The following CLASP1 variants were observed in gnomAD, a reference collection of about 807,000 sequenced individuals.
CLASP1 encodes cytoplasmic linker associated protein 1.
CLASP1 carries 38 observed loss-of-function variants against 192.3 expected under a neutral mutation model. The observed-to-expected ratio is 0.20, with a 90% confidence interval of 0.15 to 0.26. The LOEUF is 0.26. CLASP1 is among the 10% of genes least tolerant of loss of function. The pLI is 1.00. For missense variants in CLASP1, 1,433 were observed against 1,932.5 expected (o/e 0.74, Z 4.85); for synonymous variants, 691 against 712.8 (o/e 0.97, Z 0.49).
At chr2:121,450,777 C>G (rs980265989) in intron 16 of CLASP1, 136 bp downstream of exon 16, 6 of 592,424 alleles carry the variant, frequency 1.0e-5, no homozygotes, top group African/African-American at 9.5e-5. Context: ...TCCAAAATGG[C>G]CTTTTGGGGG....
intron 1 of CLASP1, among the ~76,000 whole-genome samples, chr2:121,637,631 T>C (rs1023274972): frequency 2.0e-5 from 3 of 152,266 alleles, no homozygotes; most frequent in South Asian, 2.1e-4. Context: ...CCTATGATTA[T>C]AGGCAGCACT....
At position 121,498,246 on chromosome 2, in the gene CLASP1, G is replaced by A. The variant is rs2093614249; in HGVS notation, c.712+4921C>T. On this transcript the variant is annotated intron_variant, in intron 8 of 39. Coordinates refer to ENST00000263710, the Ensembl canonical transcript of CLASP1. ...TGAGACGGAGTCTCACGACCAGGCT[G>A]GAGCGCAGTGGTACAATCTCAGCTC... Among the ~76,000 whole-genome samples, 4 of 142,678 alleles carry A rather than the reference G, an allele frequency of 2.8e-5. No individual in the cohort carries two copies. The South Asian group carries it at 8.7e-4, about 31-fold the overall frequency. The allele number at this position is 142,678 out of a possible 152,430, so 93.6% of individuals were successfully genotyped here.
At position 121,631,524 on chromosome 2, in the gene CLASP1, G is replaced by C. The variant is rs1039058965; in HGVS notation, c.-286+17848C>G. Among the ~76,000 whole-genome samples, 6 of 152,012 alleles carry C rather than the reference G, an allele frequency of 3.9e-5. 1 individual carries two copies. Among genetic ancestry groups the C allele is most frequent in the Middle Eastern group, 6.8e-3 (2 of 292 alleles). ...GATGGTCTCGATCTCTTGACCTCGT[G>C]ATCTGCCCACCTCGACCTCCCAAAG... On this transcript the variant is annotated intron_variant, in intron 1 of 39. Coordinates refer to ENST00000263710, the Ensembl canonical transcript of CLASP1.
intron 6 of CLASP1, among the ~76,000 whole-genome samples, chr2:121,522,996 C>A (rs2094492200): frequency 1.3e-5 from 2 of 152,122 alleles, no homozygotes; most frequent in Admixed American, 1.3e-4. Context: ...CAGGTCACAC[C>A]AGCACCTAAG....
At chr2:121,478,892 CA>C (rs1368144203) in intron 8 of CLASP1, among the ~76,000 whole-genome samples, 46 of 55,870 alleles carry the variant, frequency 8.2e-4, no homozygotes, top group Middle Eastern at 0.014. Context: ...ACACACCACA[CA>C]CACACACCAC....
intron 1 of CLASP1, among the ~76,000 whole-genome samples, chr2:121,647,158 AGG>A (rs2073330590): frequency 1.3e-5 from 2 of 152,110 alleles, no homozygotes; most frequent in Non-Finnish European, 2.9e-5. Context: ...ACAGGAGGTC[AGG>A]AGTTCAAGAC....
At chr2:121,500,487 AAAG>A (rs2093718932) in intron 8 of CLASP1, among the ~76,000 whole-genome samples, 1 of 151,764 alleles carries the variant, frequency 6.6e-6, no homozygotes, top group Non-Finnish European at 1.5e-5. Flanking sequence ...GAAAAGAGAA[AAAG>A]AGGAGGAGGA....
At chr2:121,354,683 G>C (rs2065075039) in intron 37 of CLASP1, among the ~76,000 whole-genome samples, 2 of 152,122 alleles carry the variant, frequency 1.3e-5, no homozygotes. Flanking sequence ...CCTGGAGAAA[G>C]AAACAAAAGG....
intron 19 of CLASP1, among the ~76,000 whole-genome samples, chr2:121,438,549 A>G (rs923999421): frequency 1.3e-5 from 2 of 152,186 alleles, no homozygotes; most frequent in Non-Finnish European, 2.9e-5. Context: ...AGCTATTCAC[A>G]TCAATAACTA....
chr2:121,376,526 T>TG (rs61313144), intron 34 of CLASP1, among the ~76,000 whole-genome samples: 5 of 105,132 alleles, frequency 4.8e-5, no homozygotes, highest in African/African-American at 1.9e-4. Context: ...TGGGAAGGGG[T>TG]GGGGGGGGGG....
chr2:121,548,577 A>G (rs1042670245), intron 2 of CLASP1, among the ~76,000 whole-genome samples: 1 of 152,170 alleles, frequency 6.6e-6, no homozygotes, highest in Non-Finnish European at 1.5e-5. Flanking sequence ...GCAAGATGCT[A>G]CACATGAAGA....
intron 30 of CLASP1, among the ~76,000 whole-genome samples, chr2:121,389,021 T>C (rs1479090465): frequency 1.3e-5 from 2 of 152,160 alleles, no homozygotes; most frequent in African/African-American, 2.4e-5. Flanking sequence ...AAATTAATTA[T>C]AGGTCCAGTT....
chr2:121,621,509 G>A (rs1204991407), intron 1 of CLASP1, among the ~76,000 whole-genome samples: 3 of 152,060 alleles, frequency 2.0e-5, no homozygotes, highest in Admixed American at 6.6e-5. Context: ...GTGAGGTAAG[G>A]GTCCAAATTC....
At chr2:121,524,583 A>G (rs2094530473) in intron 6 of CLASP1, among the ~76,000 whole-genome samples, 1 of 151,920 alleles carries the variant, frequency 6.6e-6, no homozygotes, top group African/African-American at 2.4e-5. Flanking sequence ...CAGGTTCCCA[A>G]GTAGCTGCGA....
chr2:121,588,464 C>G (rs1052561521), intron 2 of CLASP1, among the ~76,000 whole-genome samples: 2 of 152,056 alleles, frequency 1.3e-5, no homozygotes, highest in East Asian at 3.9e-4. Context: ...GTTGGGAAAG[C>G]TGGAAAAGTT....
chr2:121,403,786 A>C (rs1481881829), intron 26 of CLASP1: 3 of 467,118 alleles, frequency 6.4e-6, no homozygotes, highest in East Asian at 6.4e-5. Context: ...CTCTCTCATC[A>C]AAAAAAGCAT....
chr2:121,457,475 A>ACACG (rs2086941983), intron 14 of CLASP1, among the ~76,000 whole-genome samples: 1 of 151,800 alleles, frequency 6.6e-6, no homozygotes, highest in African/African-American at 2.4e-5. Flanking sequence ...ACACACACAC[A>ACACG]CACACACACA....
At chr2:121,437,184 A>T (rs1182156115) in intron 19 of CLASP1, among the ~76,000 whole-genome samples, 1 of 152,068 alleles carries the variant, frequency 6.6e-6, no homozygotes, top group Non-Finnish European at 1.5e-5. Flanking sequence ...GCCCAGGCTT[A>T]ACTCCTGGGC....
chr2:121,393,526 ATAC>A (rs533592100), intron 30 of CLASP1, among the ~76,000 whole-genome samples: 92 of 152,238 alleles, frequency 6.0e-4, no homozygotes, highest in Non-Finnish European at 1.1e-3. Flanking sequence ...GTAGTGATAA[ATAC>A]TACATCACAA....
Sources: gnomAD v4.1 joint callset for allele counts (sites outside exome capture counted in the v4.1 genomes callset) on GRCh38, gnomAD v4.1.1 for gene constraint, MANE v1.5 for transcripts, NCBI Gene and HGNC (gene_info 2026-07-23, HGNC 2026-07-21) for gene names.